Variants in TTN observed in about 807,000 individuals in gnomAD.
The protein encoded by TTN is connectin.
A neutral mutation model predicts 3,223.0 loss-of-function variants in TTN; 1,525 were observed. The observed-to-expected ratio is 0.47, with a 90% CI of 0.45 to 0.49. TTN has a LOEUF of 0.49. Among genes scored for constraint, TTN ranks in the 20% least tolerant of loss-of-function variants. TTN has a pLI of 0.00. For missense variants in TTN, 40,786 were observed against 43,424.0 expected (o/e 0.94, Z 5.40); for synonymous variants, 14,094 against 15,161.0 (o/e 0.93, Z 5.17).
rs992914036 is a variant in TTN, at chr2:178,739,613, C to A, written c.13620G>T (p.Val4540=). The stretch of plus-strand genomic sequence containing the variant: ...CATCCAAATATTTAACCCTACTTTG[C>A]ACGTTAAAATAACTGACCTCTTCAG... ...ISTEEVSYFN[V]QSRVKYLDAT... is the part of the protein sequence containing the mutation. Residue 4540 remains valine (V), a synonymous_variant, in exon 48 of 363, where the codon GTG becomes GTT. Transcript: ENST00000589042. 26 of 1,613,826 alleles carry A rather than the reference C, an allele frequency of 1.6e-5. No individual in the cohort carries two copies. Among genetic ancestry groups the A allele is most frequent in the South Asian group, 8.8e-5 (8 of 91,078 alleles).
chr2:178,721,774 C>G, intron 78 of TTN, 73 bp downstream of exon 78: 1 of 1,413,562 alleles, frequency 7.1e-7, no homozygotes. Flanking sequence ...ATTTAAAAAC[C>G]AAAGAAACTT....
Position 178,598,042 on chromosome 2 carries a change from A to C in TTN, c.57128T>G (p.Val19043Gly), listed in dbSNP as rs567967628. Residue 19043 changes from valine to glycine, a missense_variant, in exon 293 of 363, where the codon GTG becomes GGG. Coordinates refer to ENST00000589042, the MANE Select transcript of TTN (RefSeq NM_001267550.2). ...TGTCACAACAAGCTTTGTTCCTCTC[A>C]CTTCTTTATCTTTACCCTGGGGAGA... ...EEWEKGKDKEVRGTKLVVTGL... is the reference protein window; with the variant it reads ...EEWEKGKDKEGRGTKLVVTGL... The C allele has an allele frequency of 5.6e-6, 9 of 1,612,602 alleles. No individual in the cohort carries two copies. The South Asian group carries it at 8.8e-5, about 16-fold the overall frequency.
At chr2:178,624,835 A>G (rs2058789784) in intron 241 of TTN, 104 bp from the exon 242 acceptor site, 2 of 1,348,064 alleles carry the variant, frequency 1.5e-6, no homozygotes, top group Non-Finnish European at 2.0e-6. Flanking sequence ...GTTCTGTCCT[A>G]AGTTTTATTT....
intron 96 of TTN, 84 bp from the exon 97 acceptor site, chr2:178,711,433 T>C (rs1219493396): frequency 7.6e-7 from 1 of 1,324,408 alleles, no homozygotes; most frequent in African/African-American, 1.5e-5. Flanking sequence ...CGCACGTATA[T>C]ATGCAATTTC....
Position 178,575,868 on chromosome 2 carries a change from C to G in TTN, c.70264G>C (p.Gly23422Arg), listed in dbSNP as rs780170483. 17 of 1,613,548 alleles carry G rather than the reference C, an allele frequency of 1.1e-5. No homozygotes were observed. The East Asian group carries it at 3.8e-4, about 36-fold the overall frequency. ...KFVMTIENPA[G>R]KKSGFVNVRV... ...ACGTTCACAAAGCCACTTTTCTTCC[C>G]AGCCGGGTTTTCAATGGTCATGACA... The change falls in exon 326 of 363, where the codon GGG becomes CGG. Residue 23422 changes from glycine to arginine, a missense_variant. By Grantham distance (125) the Gly-to-Arg change is moderately radical. Coordinates refer to ENST00000589042, the MANE Select transcript of TTN (RefSeq NM_001267550.2). The surrounding 1 kb of genome is among the most constrained non-coding windows in gnomAD (Gnocchi z 4.0).
Position 178,552,133 on chromosome 2 carries a change from T to G in TTN, c.90767A>C (p.Glu30256Ala). 1 of 1,613,798 alleles carries G rather than the reference T, an allele frequency of 6.2e-7. No homozygotes were observed. The highest frequency in any genetic ancestry group is 8.5e-7 in the Non-Finnish European group (1 of 1,179,804). Reference sequence around the variant, plus strand: ...CTTCTCGATGCTGTAACAAGTAATTTCTCCTCCTCCATTATCTTCAGGTAC... The same window carrying G: ...CTTCTCGATGCTGTAACAAGTAATTGCTCCTCCTCCATTATCTTCAGGTAC... ...WDVPEDNGGG[E>A]ITCYSIEKRE... The change falls in exon 335 of 363, where the codon GAA becomes GCA. Residue 30256 changes from glutamate to alanine, a missense_variant. Transcript: ENST00000589042.
intron 222 of TTN, 59 bp downstream of exon 222, chr2:178,639,989 T>C: frequency 6.3e-7 from 1 of 1,576,756 alleles, no homozygotes; most frequent in Non-Finnish European, 8.7e-7. Flanking sequence ...ATTAAGTACA[T>C]GTTATGTGTG....
chr2:178,727,598 C>T lies in TTN; in HGVS notation c.19980G>A (p.Met6660Ile). Residue 6660 changes from methionine (M) to isoleucine (I), a missense_variant, in exon 68 of 363, where the codon ATG becomes ATA. Met to Ile is a conservative substitution (Grantham distance 10). Transcript: ENST00000589042. ...AAATTTGCACACCTGTCACAAGCAA[C>T]ATCGTAGTACAAGAGTCGCTACCAA... ...NDVGSDSCTT[M>I]LLVTEPPKFV... 1.3e-6 allele frequency: 2 copies of T among 1,573,528 alleles called. No homozygotes were observed. Among genetic ancestry groups the T allele is most frequent in the Admixed American group, 1.9e-5 (1 of 53,710 alleles).
In TTN at chr2:178,664,684, G is replaced by C; in HGVS notation, c.36172C>G (p.Leu12058Val). The C allele has an allele frequency of 6.2e-7, 1 of 1,612,576 alleles. No individual in the cohort carries two copies. Among genetic ancestry groups the C allele is most frequent in the Non-Finnish European group, 8.5e-7 (1 of 1,179,718 alleles). Residue 12058 changes from leucine (L) to valine (V), a missense_variant, in exon 167 of 363, where the codon CTC (leucine) becomes GTC (valine). By Grantham distance (32) the Leu-to-Val change is conservative. Coordinates refer to ENST00000589042, the MANE Select transcript of TTN (RefSeq NM_001267550.2). The stretch of plus-strand genomic sequence containing the variant: ...TCAGGAAGGACTTCAGGCTTTCTGA[G>C]AGGAACCACAAGCGTTTTCTTTTCA... ...VPEKKTLVVP[L>V]RKPEVLPDEV... is the part of the protein sequence containing the mutation.
chr2:178,749,503 A>G, intron 47 of TTN: 2 of 1,612,824 alleles, frequency 1.2e-6, no homozygotes, highest in Non-Finnish European at 1.7e-6. Context: ...ATTCTTTTAC[A>G]TTTGTCCAGG....
Position 178,591,348 on chromosome 2 carries a change from G to T in TTN, c.60377C>A (p.Thr20126Lys). 3 of 1,613,370 alleles carry T rather than the reference G, an allele frequency of 1.9e-6. No individual in the cohort carries two copies. In the African/African-American group the frequency reaches 4.0e-5, roughly 22 times the overall value. The change falls in exon 304 of 363, where the codon ACA (threonine) becomes AAA (lysine). Residue 20126 changes from threonine to lysine, a missense_variant. Transcript: ENST00000589042. ...TGATGAGAAGTTGTCTGTTTCAACT[G>T]TGTAGTGCTCATCGGTTTTAATCTC... ...GSEIKTDEHY[T>K]VETDNFSSVL...
chr2:178,712,307 T>A lies in TTN; in HGVS notation c.27607+8A>T, dbSNP rs931894086. ...ATACAAAGATAAAAATGTGCAATCA[T>A]GACAAACCTAGTATGAGTATTTGTG... On this transcript the variant is annotated splice_region_variant and intron_variant, in intron 95 of 362. Coordinates refer to ENST00000589042, the MANE Select transcript of TTN (RefSeq NM_001267550.2). The A allele has an allele frequency of 1.2e-6, 2 of 1,611,302 alleles. No individual in the cohort carries two copies. The highest frequency in any genetic ancestry group is 2.7e-5 in the African/African-American group (2 of 74,820).
Position 178,620,019 on chromosome 2 carries a change from G to A in TTN, c.46398C>T (p.Asp15466=), listed in dbSNP as rs1434426634. The A allele has an allele frequency of 2.5e-6, 4 of 1,611,608 alleles. No homozygotes were observed. The highest frequency in any genetic ancestry group is 3.4e-6 in the Non-Finnish European group (4 of 1,178,700). ...CAAAAAGTCTAGCACGAGACTTCCT[G>A]TCTTCTACCCCGCAAGCATATTCAC... The part of the protein sequence containing the change: ...DECEYACGVE[D]RKSRARLFVE... Residue 15466 remains aspartate (D), a synonymous_variant, in exon 249 of 363, where the codon GAC becomes GAT. Coordinates refer to ENST00000589042, the MANE Select transcript of TTN (RefSeq NM_001267550.2).
rs1205000816 is a variant in TTN, at chr2:178,732,489, G to C, written c.16572C>G (p.Val5524=). 6.2e-7 allele frequency: 1 copy of C among 1,613,124 alleles called. No homozygotes were observed. ...TSDSGTYTCK[V]SNVAGGVECS... ...ATTCCACCCCTCCAGCGACATTGCT[G>C]ACTTTACATGTGTACGTGCCCGAAT... The change falls in exon 56 of 363, where the codon GTC becomes GTG. Residue 5524 remains valine, a synonymous_variant. Coordinates refer to ENST00000589042, the MANE Select transcript of TTN (RefSeq NM_001267550.2).
At position 178,542,408 on chromosome 2, in the gene TTN, C is replaced by T. The variant is rs397517769; in HGVS notation, c.97348G>A (p.Val32450Ile). 64 of 1,613,624 alleles carry T rather than the reference C, an allele frequency of 4.0e-5. 1 individual carries two copies. Among genetic ancestry groups the T allele is most frequent in the South Asian group, 3.7e-4 (34 of 91,080 alleles). Residue 32450 changes from valine (V) to isoleucine (I), a missense_variant, in exon 349 of 363, where the codon GTT becomes ATT. Physicochemically the swap from Val to Ile is conservative, Grantham distance 29 (BLOSUM62 3). Transcript: ENST00000589042. ...GTGGACCTAGTCACTGATTCAGAAACGGGCAGCCATCCTGGACGATGAGCG... is the reference window on the plus strand; with the variant it reads ...GTGGACCTAGTCACTGATTCAGAAATGGGCAGCCATCCTGGACGATGAGCG... The part of the protein sequence containing the change: ...RDAHRPGWLP[V>I]SESVTRSTFK...
At chr2:178,785,774 G>A (rs777654724) in intron 14 of TTN, 32 bp from the exon 15 acceptor site, 4 of 1,614,102 alleles carry the variant, frequency 2.5e-6, no homozygotes, top group East Asian at 4.5e-5. Flanking sequence ...TGATACCATT[G>A]ATCACCAGAT....
In TTN at chr2:178,713,265, C is replaced by T. The variant is rs1008014872; in HGVS notation, c.26869G>A (p.Val8957Ile). The change falls in exon 93 of 363, where the codon GTC (valine) becomes ATC (isoleucine). Residue 8957 changes from valine (V) to isoleucine (I), a missense_variant. Transcript: ENST00000589042. ...CKVYGSPPIS[V>I]SWFHEGNEIS... ...TCATTTCCTTCATGGAACCAGGAGA[C>T]AGAGATTGGAGGTGACCCATAGACT... The T allele has an allele frequency of 5.6e-6, 9 of 1,611,676 alleles. No individual in the cohort carries two copies. In the African/African-American group the frequency reaches 1.2e-4, roughly 22 times the overall value.
chr2:178,548,711 A>C lies in TTN; in HGVS notation c.92915T>G (p.Ile30972Ser), dbSNP rs773430543. 1.2e-6 allele frequency: 2 copies of C among 1,613,828 alleles called. No individual in the cohort carries two copies. The highest frequency in any genetic ancestry group is 2.2e-5 in the South Asian group (2 of 91,086). ...PDSNLSLRAD[I>S]HTTDSFSTLT... ...GGTGCTGAAGGAATCTGTTGTATGGATATCAGCCCGAAGGCTAAGGTTAGA... is the reference window on the plus strand; with the variant it reads ...GGTGCTGAAGGAATCTGTTGTATGGCTATCAGCCCGAAGGCTAAGGTTAGA... The change falls in exon 339 of 363, where the codon ATC becomes AGC. Residue 30972 changes from isoleucine to serine, a missense_variant. Physicochemically the swap from Ile to Ser is moderately radical, Grantham distance 142 (BLOSUM62 -2). Transcript: ENST00000589042. This position sits in a 1 kb window ranked among gnomAD's most constrained non-coding sequence, Gnocchi z 4.3.
intron 42 of TTN, 109 bp from the exon 43 acceptor site, chr2:178,764,411 G>A: frequency 1.2e-6 from 2 of 1,610,116 alleles, no homozygotes; most frequent in Admixed American, 1.7e-5. Flanking sequence ...TGCTTTCAAA[G>A]TTGGGTAGCA....
Sources: gnomAD v4.1 joint callset for allele counts on GRCh38, gnomAD v4.1.1 for gene constraint, Gnocchi (gnomAD v3.1) non-coding constraint, MANE v1.5 for transcripts, NCBI Gene and HGNC (gene_info 2026-07-23, HGNC 2026-07-21) for gene names.